Variants in SLC35F3 observed in about 807,000 individuals in gnomAD.
The protein encoded by SLC35F3 is putative thiamine transporter SLC35F3.
A neutral mutation model predicts 49.9 loss-of-function variants in SLC35F3; 25 were observed. The observed-to-expected ratio is 0.50, with a 90% CI of 0.37 to 0.70. The LOEUF (loss-of-function observed/expected upper bound fraction) is 0.70, where lower values mean the gene tolerates loss of function less well. SLC35F3 is among the 30% of genes least tolerant of loss of function. The probability of loss-of-function intolerance (pLI) is 0.00; values close to 1 mark genes in which losing one functional copy is unlikely to be tolerated. For synonymous variants in SLC35F3, 275 were observed against 265.4 expected (o/e 1.04, Z -0.35); for missense variants, 525 against 639.8 (o/e 0.82, Z 1.94).
intron 2 of SLC35F3, among the ~76,000 whole-genome samples, chr1:234,007,816 C>A (rs749240172): frequency 1.3e-5 from 2 of 152,076 alleles, no homozygotes; most frequent in African/African-American, 2.4e-5. Flanking sequence ...TAGAATTGGT[C>A]ATTAAAAATT....
At chr1:234,105,863 C>T (rs942815234) in intron 2 of SLC35F3, among the ~76,000 whole-genome samples, 2 of 152,184 alleles carry the variant, frequency 1.3e-5, no homozygotes. Flanking sequence ...GGAGATGAGG[C>T]ATGTTACTTC....
chr1:234,140,110 G>A (rs556423850), intron 2 of SLC35F3, among the ~76,000 whole-genome samples: 29 of 151,960 alleles, frequency 1.9e-4, no homozygotes, highest in Middle Eastern at 3.4e-3. Flanking sequence ...TGGATATGCC[G>A]GACAAAGGGG....
chr1:234,147,230 C>CTTTTTTTTT (rs201359916), intron 2 of SLC35F3, among the ~76,000 whole-genome samples: 16 of 125,098 alleles, frequency 1.3e-4, no homozygotes, highest in Non-Finnish European at 1.9e-4. Context: ...TTTCTATTTT[C>CTTTTTTTTT]TTTTTTTTTT....
At chr1:234,080,638 A>T (rs1167053335) in intron 2 of SLC35F3, among the ~76,000 whole-genome samples, 1 of 152,224 alleles carries the variant, frequency 6.6e-6, no homozygotes, top group Non-Finnish European at 1.5e-5. Flanking sequence ...AAACATTATG[A>T]TAAGTGAAAG....
intron 2 of SLC35F3, among the ~76,000 whole-genome samples, chr1:234,160,591 C>T (rs1041980198): frequency 6.6e-6 from 1 of 152,176 alleles, no homozygotes; most frequent in Admixed American, 6.5e-5. Flanking sequence ...ACAATAAGCA[C>T]AGGCCAGGAC....
chr1:234,052,038 T>A (rs1664385658), intron 2 of SLC35F3, among the ~76,000 whole-genome samples: 1 of 152,212 alleles, frequency 6.6e-6, no homozygotes, highest in Non-Finnish European at 1.5e-5. Context: ...TGGATTCGGT[T>A]TGCCAGTATT....
intron 2 of SLC35F3, among the ~76,000 whole-genome samples, chr1:234,191,831 A>G (rs1297232544): frequency 1.3e-5 from 2 of 152,176 alleles, no homozygotes; most frequent in Non-Finnish European, 2.9e-5. Flanking sequence ...GAACACCTTT[A>G]CACACATAAA....
intron 3 of SLC35F3, among the ~76,000 whole-genome samples, chr1:234,259,404 G>A (rs758722188): frequency 1.2e-4 from 18 of 151,982 alleles, no homozygotes; most frequent in Non-Finnish European, 2.2e-4. Flanking sequence ...CAATCCAGAC[G>A]GCCACACACA....
chr1:234,167,476 T>C (rs1420808845), intron 2 of SLC35F3, among the ~76,000 whole-genome samples: 1 of 152,142 alleles, frequency 6.6e-6, no homozygotes, highest in Non-Finnish European at 1.5e-5. Flanking sequence ...CCTCAGGCTA[T>C]CCCATGACAA....
chr1:234,309,643 C>G (rs1296727062), intron 4 of SLC35F3, among the ~76,000 whole-genome samples: 1 of 152,256 alleles, frequency 6.6e-6, no homozygotes, highest in South Asian at 2.1e-4. Flanking sequence ...GTGCTCACCC[C>G]GTCTCTCATG....
chr1:234,170,823 A>G (rs1167710931), intron 2 of SLC35F3, among the ~76,000 whole-genome samples: 1 of 152,106 alleles, frequency 6.6e-6, no homozygotes. Context: ...CACGAACGCA[A>G]TTTCCTTTCC....
intron 2 of SLC35F3, among the ~76,000 whole-genome samples, chr1:234,061,833 G>A (rs150829543): frequency 1.8e-4 from 28 of 152,150 alleles, no homozygotes; most frequent in Middle Eastern, 3.4e-3. Context: ...TGTCTCTTTA[G>A]TGGTACTCTA....
chr1:234,278,159 C>T (rs1668242636), intron 3 of SLC35F3, among the ~76,000 whole-genome samples: 1 of 152,070 alleles, frequency 6.6e-6, no homozygotes, highest in South Asian at 2.1e-4. Flanking sequence ...CGCCACTGCA[C>T]TCCAGTCTGG....
rs190140013 is a variant in SLC35F3 at position 234,049,402 on chromosome 1, G to T, written c.283+143644G>T. On this transcript the variant is annotated intron_variant, in intron 2 of 7. Coordinates refer to ENST00000366618, the MANE Select transcript of SLC35F3 (RefSeq NM_173508.4). ...CTCTCTTTCTCCCCCTCTCCTGTGT[G>T]TGTGTGTGCACATTGGAAAGATCAT... Among the ~76,000 whole-genome samples the T allele has an allele frequency of 1.9e-3, 292 of 152,018 alleles. 1 individual carries two copies. The highest frequency in any genetic ancestry group is 6.7e-3 in the African/African-American group (277 of 41,420).
intron 2 of SLC35F3, among the ~76,000 whole-genome samples, chr1:233,907,408 G>T (rs1210281985): frequency 6.6e-6 from 1 of 152,180 alleles, no homozygotes; most frequent in Non-Finnish European, 1.5e-5. Flanking sequence ...GACAAGAGAA[G>T]GGCCATGTGG....
chr1:234,126,196 C>G (rs1665644759), intron 2 of SLC35F3, among the ~76,000 whole-genome samples: 1 of 152,304 alleles, frequency 6.6e-6, no homozygotes, highest in East Asian at 1.9e-4. Context: ...TCACGCATCT[C>G]TCTCTACCCA....
intron 2 of SLC35F3, among the ~76,000 whole-genome samples, chr1:234,034,749 C>G (rs1283042320): frequency 1.3e-5 from 2 of 152,166 alleles, no homozygotes; most frequent in Non-Finnish European, 2.9e-5. Flanking sequence ...TCTCGAACTC[C>G]TAGCCTCAAG....
intron 2 of SLC35F3, among the ~76,000 whole-genome samples, chr1:233,941,151 CTG>C (rs1426813404): frequency 3.9e-5 from 6 of 152,212 alleles, no homozygotes; most frequent in Non-Finnish European, 7.3e-5. Flanking sequence ...TGCCGAGTCT[CTG>C]TGAGCATGCC....
At chr1:234,108,500 T>A (rs1281830200) in intron 2 of SLC35F3, among the ~76,000 whole-genome samples, 1 of 113,428 alleles carries the variant, frequency 8.8e-6, no homozygotes, top group African/African-American at 3.6e-5. Flanking sequence ...ATATATTATT[T>A]ATATATATAA....
Sources: allele counts gnomAD v4.1 joint callset (sites outside exome capture counted in the v4.1 genomes callset), GRCh38; gene constraint gnomAD v4.1.1; transcripts MANE v1.5; gene names NCBI Gene and HGNC (gene_info 2026-07-23, HGNC 2026-07-21).